Variants in TYW5 observed in about 807,000 individuals in gnomAD.
The protein encoded by TYW5 is tRNA wybutosine-synthesizing protein 5.
A neutral mutation model predicts 44.4 loss-of-function variants in TYW5; 36 were observed. That is an observed-to-expected ratio of 0.81 (90% confidence interval 0.62 to 1.07). The LOEUF (loss-of-function observed/expected upper bound fraction) is 1.07, where lower values mean the gene tolerates loss of function less well. TYW5 is among the 50% of genes least tolerant of loss of function. The probability of loss-of-function intolerance (pLI) is 0.00; values close to 1 mark genes in which losing one functional copy is unlikely to be tolerated. For synonymous variants in TYW5, 121 were observed against 128.1 expected, an observed-to-expected ratio of 0.94 and a Z score of 0.37; for missense variants, 354 against 365.7, an observed-to-expected ratio of 0.97 and a Z score of 0.26.
intron 1 of TYW5, 51 bp downstream of exon 1, chr2:199,955,342 G>A: frequency 3.1e-6 from 5 of 1,593,864 alleles, no homozygotes; most frequent in Non-Finnish European, 4.3e-6. Flanking sequence ...GAAAGGTAAA[G>A]ACGTGTCTCT....
rs768555951 is a variant in TYW5, at chr2:199,948,323, T to C, written c.228A>G (p.Val76=). The change falls in exon 2 of 8, where the codon GTA becomes GTG. Residue 76 remains valine, a synonymous_variant. Coordinates refer to ENST00000354611, the MANE Select transcript of TYW5 (RefSeq NM_001039693.3). The part of the protein sequence containing the change: ...AQMDFISKNF[V]YRTLPFDQLV... ...TAAACCTCAGAAGAAAATACCTATA[T>C]ACAAAGTTCTTACTAATGAAGTCCA... The C allele has an allele frequency of 1.9e-6, 3 of 1,614,086 alleles. No homozygotes were observed. The highest frequency in any genetic ancestry group is 2.5e-6 in the Non-Finnish European group (3 of 1,179,988).
chr2:199,943,939 G>A (rs768242715), intron 2 of TYW5, 105 bp from the exon 3 acceptor site: 26 of 706,504 alleles, frequency 3.7e-5, no homozygotes, highest in Non-Finnish European at 5.5e-5. Context: ...ATAATCTCCT[G>A]TTTTATAATA....
intron 7 of TYW5, 121 bp from the exon 8 acceptor site, chr2:199,933,444 T>C: frequency 1.2e-6 from 1 of 839,236 alleles, no homozygotes; most frequent in South Asian, 1.8e-5. Flanking sequence ...TGTAACCAGA[T>C]CCCTTCGTTA....
In TYW5 at chr2:199,933,336, TA is replaced by T; in HGVS notation, c.692-14del. The T allele has an allele frequency of 6.4e-7, 1 of 1,574,270 alleles. No homozygotes were observed. Among genetic ancestry groups the T allele is most frequent in the Non-Finnish European group, 8.6e-7 (1 of 1,164,998 alleles). On this transcript the variant is annotated splice_polypyrimidine_tract_variant and intron_variant, in intron 7 of 7. Transcript: ENST00000354611. Reference sequence around the variant, plus strand: ...TGGAACCATAAAGCTGGAGAAAGTTTAAAAAACAAGTTAAAAATAAAACCTA... The same window carrying T: ...TGGAACCATAAAGCTGGAGAAAGTTTAAAAACAAGTTAAAAATAAAACCTA...
intron 3 of TYW5, chr2:199,942,419 C>A (rs1348341658): frequency 6.6e-6 from 1 of 152,208 alleles, no homozygotes; most frequent in African/African-American, 2.4e-5. Flanking sequence ...GAGGACCAAA[C>A]TGACAGTTCA....
At chr2:199,940,588 G>C (rs2077456081) in intron 3 of TYW5, among the ~76,000 whole-genome samples, 1 of 151,276 alleles carries the variant, frequency 6.6e-6, no homozygotes, top group South Asian at 2.1e-4. Flanking sequence ...TCCAGCTTGG[G>C]TGACAGAGCA....
At chr2:199,955,175 C>G (rs992595945) in intron 1 of TYW5, 1 of 550,982 alleles carries the variant, frequency 1.8e-6, no homozygotes, top group East Asian at 2.9e-5. Flanking sequence ...ATCTTGCTCC[C>G]CAGAAACATG....
At chr2:199,941,305 T>C (rs1037469271) in intron 3 of TYW5, among the ~76,000 whole-genome samples, 2 of 152,120 alleles carry the variant, frequency 1.3e-5, no homozygotes, top group Non-Finnish European at 2.9e-5. Flanking sequence ...CCTCCCAGAG[T>C]GCTGGGATTA....
intron 1 of TYW5, among the ~76,000 whole-genome samples, chr2:199,949,482 C>T (rs958538575): frequency 5.9e-5 from 9 of 152,146 alleles, no homozygotes; most frequent in African/African-American, 2.2e-4. Flanking sequence ...TTTCCTAACC[C>T]AGAATTCAAT....
Position 199,933,211 on chromosome 2 carries a change from A to T in TYW5, c.804T>A (p.Asp268Glu). The change falls in exon 8 of 8, where the codon GAT (aspartate) becomes GAA (glutamate). Residue 268 changes from aspartate (D) to glutamate (E), a missense_variant. By Grantham distance (45) the Asp-to-Glu change is conservative. Transcript: ENST00000354611. ...GTGCAGCTCTTGATGCTGCTGTAGG[A>T]TCTTTGTTTCCATAGGTATCTGTTT... ...YDKTDTYGNKDPTAASRAAQI... is the reference protein window; with the variant it reads ...YDKTDTYGNKEPTAASRAAQI... The T allele has an allele frequency of 6.2e-7, 1 of 1,614,110 alleles. No individual in the cohort carries two copies. The highest frequency in any genetic ancestry group is 8.5e-7 in the Non-Finnish European group (1 of 1,180,012).
At chr2:199,933,956 A>G (rs1420425791) in intron 7 of TYW5, among the ~76,000 whole-genome samples, 1 of 152,050 alleles carries the variant, frequency 6.6e-6, no homozygotes, top group African/African-American at 2.4e-5. Flanking sequence ...TTATATACCT[A>G]ATTAATTTTT....
intron 2 of TYW5, 162 bp downstream of exon 2, chr2:199,948,156 C>G: frequency 1.5e-6 from 1 of 659,952 alleles, no homozygotes; most frequent in South Asian, 2.1e-5. Context: ...GAACTCTTGT[C>G]TTTTAAAAAC....
chr2:199,943,936 C>T, intron 2 of TYW5, 102 bp from the exon 3 acceptor site: 4 of 744,770 alleles, frequency 5.4e-6, no homozygotes, highest in Non-Finnish European at 8.6e-6. Flanking sequence ...GATATAATCT[C>T]CTGTTTTATA....
At chr2:199,934,219 C>T (rs912266628) in intron 7 of TYW5, among the ~76,000 whole-genome samples, 3 of 152,018 alleles carry the variant, frequency 2.0e-5, no homozygotes, top group Non-Finnish European at 1.5e-5. Context: ...ATCTTAACTA[C>T]ACTTTCTTTC....
At chr2:199,953,239 C>T (rs2077560863) in intron 1 of TYW5, among the ~76,000 whole-genome samples, 1 of 152,050 alleles carries the variant, frequency 6.6e-6, no homozygotes, top group Admixed American at 6.6e-5. Context: ...AGGAGAATCG[C>T]TTGAACCCTG....
Position 199,951,594 on chromosome 2 carries a change from A to G in TYW5, c.79-3122T>C, listed in dbSNP as rs988439380. 7.9e-5 allele frequency among the ~76,000 whole-genome samples: 12 copies of G among 152,262 alleles called. No homozygotes were observed. The East Asian group carries it at 2.3e-3, about 29-fold the overall frequency. On this transcript the variant is annotated intron_variant, in intron 1 of 7. Coordinates refer to ENST00000354611, the MANE Select transcript of TYW5 (RefSeq NM_001039693.3). ...CCCCTATGCATAACTGATCTCATTAATTTTTGGCTTATTCCTTTCTTTTTT... is the reference window on the plus strand; with the variant it reads ...CCCCTATGCATAACTGATCTCATTAGTTTTTGGCTTATTCCTTTCTTTTTT...
chr2:199,948,584 G>C, intron 1 of TYW5, 112 bp from the exon 2 acceptor site: 1 of 1,049,360 alleles, frequency 9.5e-7, no homozygotes, highest in Non-Finnish European at 1.4e-6. Context: ...TTGCTCCCAA[G>C]ATGCTTGAAC....
At chr2:199,937,922 T>C (rs1159943228) in intron 5 of TYW5, among the ~76,000 whole-genome samples, 1 of 152,182 alleles carries the variant, frequency 6.6e-6, no homozygotes, top group African/African-American at 2.4e-5. Context: ...TGGAAACTTG[T>C]TAGATATTCC....
intron 5 of TYW5, 151 bp downstream of exon 5, chr2:199,938,782 A>T: frequency 1.6e-6 from 1 of 633,992 alleles, no homozygotes; most frequent in Non-Finnish European, 2.4e-6. Flanking sequence ...TTCCTGTATC[A>T]CTGCTATGCA....
Sources: allele counts gnomAD v4.1 joint callset (sites outside exome capture counted in the v4.1 genomes callset), GRCh38; gene constraint gnomAD v4.1.1; transcripts MANE v1.5; gene names NCBI Gene and HGNC (gene_info 2026-07-23, HGNC 2026-07-21).